Variants in GUCY1A1 observed in about 807,000 individuals in gnomAD.
GUCY1A1 encodes the protein guanylate cyclase soluble subunit alpha-1.
In GUCY1A1, 48 loss-of-function variants were observed where a neutral mutation model predicts 64.5. The observed-to-expected ratio is 0.74, with a 90% CI of 0.59 to 0.95. The LOEUF (loss-of-function observed/expected upper bound fraction) is 0.95. Ranked by LOEUF, GUCY1A1 falls within the 40% of genes least tolerant of loss-of-function variation. GUCY1A1 has a pLI of 0.00. For synonymous variants in GUCY1A1, 308 were observed against 303.4 expected, an observed-to-expected ratio of 1.02 and a Z score of -0.16; for missense variants, 804 against 825.3, an observed-to-expected ratio of 0.97 and a Z score of 0.32.
chr4:155,685,476 T>G (rs896737172), intron 2 of GUCY1A1, among the ~76,000 whole-genome samples: 7 of 152,196 alleles, frequency 4.6e-5, no homozygotes, highest in Non-Finnish European at 1.0e-4. Flanking sequence ...CATGTATCAC[T>G]GAGCTCCTGG....
intron 9 of GUCY1A1, chr4:155,722,474 A>T: frequency 8.4e-7 from 1 of 1,192,612 alleles, no homozygotes; most frequent in Non-Finnish European, 1.0e-6. Flanking sequence ...TAATACTCTT[A>T]GTATGTTGAT....
chr4:155,685,613 T>G (rs71605257), intron 2 of GUCY1A1, among the ~76,000 whole-genome samples: 24 of 119,864 alleles, frequency 2.0e-4, no homozygotes, highest in Non-Finnish European at 3.0e-4. Flanking sequence ...GTTTTTTTTT[T>G]TTTTTTTTTT....
intron 2 of GUCY1A1, among the ~76,000 whole-genome samples, chr4:155,674,058 T>G (rs761982897): frequency 2.6e-5 from 4 of 151,488 alleles, no homozygotes; most frequent in African/African-American, 9.8e-5. Context: ...AAGCACTCAG[T>G]GAAAACGTGT....
In GUCY1A1 at chr4:155,730,822, T is replaced by C. The variant is rs1176126511; in HGVS notation, c.*591T>C. ...TTAGGGGTTAGATGCAATATGAATA[T>C]AAAATAGTTCTGTAAATACCAAATA... On this transcript the variant is annotated 3_prime_UTR_variant, in exon 10 of 10. Transcript: ENST00000506455. 1 of 153,326 alleles carries C rather than the reference T, an allele frequency of 6.5e-6. No homozygotes were observed. Among genetic ancestry groups the C allele is most frequent in the Non-Finnish European group, 1.5e-5 (1 of 67,840 alleles). 9.5% of individuals were successfully genotyped at this position (153,326 alleles called of 1,614,324 possible).
chr4:155,692,190 T>G (rs12513261), intron 2 of GUCY1A1, among the ~76,000 whole-genome samples: 58,973 of 152,044 alleles, frequency 0.39, 12,568 homozygotes, highest in East Asian at 0.54. Context: ...TTATCCAGTT[T>G]ATCATTGATG....
Position 155,730,196 on chromosome 4 carries a change from G to A in GUCY1A1, c.2038G>A (p.Ala680Thr), listed in dbSNP as rs201558687. The A allele has an allele frequency of 1.6e-4, 261 of 1,610,906 alleles. 4 individuals carry two copies. The East Asian group carries it at 5.6e-3, about 35-fold the overall frequency. Residue 680 changes from alanine to threonine, a missense_variant, in exon 10 of 10, where the codon GCC (alanine) becomes ACC (threonine). Ala to Thr is a moderately conservative substitution (Grantham distance 58). Transcript: ENST00000506455. ...AAAGAAAGATGTGGAAGATGGCAAT[G>A]CCAATTTTTTAGGCAAAGCATCAGG... ...FQKKDVEDGN[A>T]NFLGKASGID is the part of the protein sequence containing the mutation.
At chr4:155,709,715 T>C (rs1019861466) in intron 5 of GUCY1A1, among the ~76,000 whole-genome samples, 1 of 152,098 alleles carries the variant, frequency 6.6e-6, no homozygotes, top group Admixed American at 6.5e-5. Flanking sequence ...GCACCTGTAG[T>C]CCCAGCTACT....
chr4:155,694,708 C>T (rs1232418376), intron 2 of GUCY1A1, among the ~76,000 whole-genome samples: 2 of 152,142 alleles, frequency 1.3e-5, no homozygotes, highest in Non-Finnish European at 2.9e-5. Flanking sequence ...ACCATGTAAC[C>T]TGCAAAGCTG....
intron 2 of GUCY1A1, among the ~76,000 whole-genome samples, chr4:155,669,660 C>A (rs1330457007): frequency 6.6e-6 from 1 of 151,916 alleles, no homozygotes; most frequent in Admixed American, 6.6e-5. Context: ...TAAAGTATAT[C>A]TATTACAAAT....
intron 2 of GUCY1A1, among the ~76,000 whole-genome samples, chr4:155,670,406 G>A (rs952300581): frequency 2.0e-5 from 3 of 152,112 alleles, no homozygotes; most frequent in African/African-American, 7.2e-5. Flanking sequence ...TTTACTTTGG[G>A]TGAAGTAATT....
At position 155,730,411 on chromosome 4, in the gene GUCY1A1, C is replaced by G. The variant is rs1024304772; in HGVS notation, c.*180C>G. On this transcript the variant is annotated 3_prime_UTR_variant, in exon 10 of 10. Transcript: ENST00000506455. The stretch of plus-strand genomic sequence containing the variant: ...GTATGTACTCACTTCAGTACTTCAG[C>G]TCTTCAAGAAAAAAAAAAAAAACCT... 2.5e-6 allele frequency: 1 copy of G among 398,324 alleles called. No individual in the cohort carries two copies. The highest frequency in any genetic ancestry group is 4.6e-5 in the Admixed American group (1 of 21,800). 24.7% of individuals were successfully genotyped at this position (398,324 alleles called of 1,614,324 possible).
rs1735959814 is a variant in GUCY1A1 at position 155,735,408 on chromosome 4, A to C, written c.*5177A>C. 1 of 151,998 alleles carries C rather than the reference A, an allele frequency of 6.6e-6. No homozygotes were observed. Among genetic ancestry groups the C allele is most frequent in the Non-Finnish European group, 1.5e-5 (1 of 67,940 alleles). The allele number at this position is 151,998 out of a possible 1,614,324, so 9.4% of individuals were successfully genotyped here. Reference sequence around the variant, plus strand: ...TCATCATAAACTTAGTTTTATGAAAATGTTAATATCTTGGATTTAAACATT... The same window carrying C: ...TCATCATAAACTTAGTTTTATGAAACTGTTAATATCTTGGATTTAAACATT... On this transcript the variant is annotated 3_prime_UTR_variant, in exon 10 of 10. Coordinates refer to ENST00000506455, the MANE Select transcript of GUCY1A1 (RefSeq NM_001130682.3).
Position 155,679,509 on chromosome 4 carries a change from G to A in GUCY1A1, c.-113+12090G>A, listed in dbSNP as rs533722240. Among the ~76,000 whole-genome samples the A allele has an allele frequency of 2.8e-4, 43 of 152,260 alleles. No individual in the cohort carries two copies. The South Asian group carries it at 4.2e-3, about 15-fold the overall frequency. ...GAGATTACTGAGAGAGAGAGGAAGC[G>A]AGGGAGAGAGAGAGGAGACACCAGG... On this transcript the variant is annotated intron_variant, in intron 2 of 9. Coordinates refer to ENST00000506455, the MANE Select transcript of GUCY1A1 (RefSeq NM_001130682.3).
chr4:155,697,232 A>C (rs1168786351), intron 3 of GUCY1A1, 110 bp downstream of exon 3: 6 of 774,958 alleles, frequency 7.7e-6, no homozygotes, highest in Middle Eastern at 7.4e-4. Flanking sequence ...GGCTACAATA[A>C]ATGTAGAATA....
chr4:155,710,555 G>A lies in GUCY1A1; in HGVS notation c.390G>A (p.Glu130=), dbSNP rs751160646. ...EQAVAAGVPV[E]VIKESLGEEV... ...ATGTGATTTCAGGAGTTCCAGTGGA[G>A]GTTATCAAAGAATCTCTTGGTGAAG... is the stretch of plus-strand genomic sequence containing the variant. Residue 130 remains glutamate, a synonymous_variant, in exon 6 of 10, where the codon GAG becomes GAA. Transcript: ENST00000506455. The A allele has an allele frequency of 1.1e-5, 18 of 1,590,034 alleles. No individual in the cohort carries two copies. Among genetic ancestry groups the A allele is most frequent in the Admixed American group, 5.1e-5 (3 of 58,938 alleles).
intron 3 of GUCY1A1, among the ~76,000 whole-genome samples, chr4:155,698,411 G>A (rs1262010107): frequency 1.3e-5 from 2 of 152,176 alleles, no homozygotes; most frequent in African/African-American, 4.8e-5. Context: ...TCCTCAGGGA[G>A]TTGGTTTGTA....
chr4:155,730,240 A>G lies in GUCY1A1; in HGVS notation c.*9A>G. The stretch of plus-strand genomic sequence containing the variant: ...CATCAGGAATAGATTAGCAACCTAT[A>G]TACCTATTTATAAGTCTTTGGGGTT... On this transcript the variant is annotated 3_prime_UTR_variant, in exon 10 of 10. Transcript: ENST00000506455. 6.5e-7 allele frequency: 1 copy of G among 1,528,188 alleles called. No individual in the cohort carries two copies. Among genetic ancestry groups the G allele is most frequent in the Non-Finnish European group, 9.1e-7 (1 of 1,102,660 alleles). The allele number at this position is 1,528,188 out of a possible 1,614,324, so 94.7% of individuals were successfully genotyped here.
chr4:155,711,514 G>C lies in GUCY1A1; in HGVS notation c.1086+263G>C, dbSNP rs3796589. ...TATGGAATGTTTTATAATGAAATTT[G>C]ATAAATGTTTATATAAAAATGTTTT... On this transcript the variant is annotated intron_variant, in intron 6 of 9. Transcript: ENST00000506455. 4.3e-5 allele frequency: 11 copies of C among 257,964 alleles called. No homozygotes were observed. In the East Asian group the frequency reaches 5.2e-4, roughly 12 times the overall value. The allele number at this position is 257,964 out of a possible 1,614,324, so 16.0% of individuals were successfully genotyped here.
intron 8 of GUCY1A1, among the ~76,000 whole-genome samples, chr4:155,720,655 A>G (rs1413185406): frequency 6.6e-6 from 1 of 152,140 alleles, no homozygotes; most frequent in East Asian, 1.9e-4. Flanking sequence ...CTCATATGAC[A>G]TCTTAAAAGT....
Sources: gnomAD v4.1 joint callset for allele counts (sites outside exome capture counted in the v4.1 genomes callset) on GRCh38, gnomAD v4.1.1 for gene constraint, MANE v1.5 for transcripts, NCBI Gene and HGNC (gene_info 2026-07-23, HGNC 2026-07-21) for gene names.